Variants in TMEM117 observed in about 807,000 individuals in gnomAD.
The protein encoded by TMEM117 is transmembrane protein 117.
In TMEM117, 27 loss-of-function variants were observed where a neutral mutation model predicts 52.4. The ratio of observed to expected loss-of-function variants is 0.51; its 90% CI spans 0.38 to 0.71. The LOEUF (loss-of-function observed/expected upper bound fraction) is 0.71, where lower values mean the gene tolerates loss of function less well. Ranked by LOEUF, TMEM117 falls within the 30% of genes least tolerant of loss-of-function variation. The pLI is 0.00. For missense variants in TMEM117, 556 were observed against 630.5 expected (o/e 0.88, Z 1.26); for synonymous variants, 215 against 206.3 (o/e 1.04, Z -0.36).
At chr12:44,007,927 T>C (rs916929194) in intron 3 of TMEM117, among the ~76,000 whole-genome samples, 1 of 152,038 alleles carries the variant, frequency 6.6e-6, no homozygotes, top group Non-Finnish European at 1.5e-5. Flanking sequence ...AAACCCTTTT[T>C]CCCATATAAA....
In TMEM117 at chr12:44,124,789, C is replaced by A. The variant is rs542344228; in HGVS notation, c.411-18736C>A. ...TGGTGGATAAGTTTTTTATGTGCTGCTAGATTCGGTTTGTCAATATTTTGT... is the reference window on the plus strand; with the variant it reads ...TGGTGGATAAGTTTTTTATGTGCTGATAGATTCGGTTTGTCAATATTTTGT... On this transcript the variant is annotated intron_variant, in intron 3 of 7. Transcript: ENST00000266534. Among the ~76,000 whole-genome samples, 9 of 152,250 alleles carry A rather than the reference C, an allele frequency of 5.9e-5. No individual in the cohort carries two copies. The South Asian group carries it at 1.7e-3, about 28-fold the overall frequency.
At chr12:43,948,907 A>C (rs761761627) in intron 3 of TMEM117, among the ~76,000 whole-genome samples, 3 of 152,192 alleles carry the variant, frequency 2.0e-5, no homozygotes, top group Non-Finnish European at 4.4e-5. Flanking sequence ...ATTGATACTG[A>C]GATGCTCAGT....
chr12:43,834,624 G>T (rs150318229), upstream of TMEM117, among the ~76,000 whole-genome samples: 1 of 152,304 alleles, frequency 6.6e-6, no homozygotes, highest in East Asian at 1.9e-4. Context: ...ATATCCAGTG[G>T]TGTGGGGATG....
intron 6 of TMEM117, among the ~76,000 whole-genome samples, chr12:44,354,560 A>C (rs1309382122): frequency 6.6e-6 from 1 of 152,086 alleles, no homozygotes; most frequent in Non-Finnish European, 1.5e-5. Context: ...AGAACCAAAG[A>C]CAAAAACCAC....
intron 5 of TMEM117, among the ~76,000 whole-genome samples, chr12:44,283,086 G>A (rs926662501): frequency 4.6e-5 from 7 of 152,242 alleles, no homozygotes; most frequent in Admixed American, 2.6e-4. Context: ...GGGAAACTCC[G>A]CCTAGATTTC....
intron 3 of TMEM117, among the ~76,000 whole-genome samples, chr12:43,978,664 C>G (rs1339796238): frequency 2.0e-5 from 3 of 152,108 alleles, no homozygotes; most frequent in African/African-American, 7.2e-5. Flanking sequence ...CCTGTATAAT[C>G]AGAGAGTGTT....
chr12:43,959,008 C>T (rs961832883), intron 3 of TMEM117, among the ~76,000 whole-genome samples: 21 of 152,214 alleles, frequency 1.4e-4, no homozygotes, highest in East Asian at 9.7e-4. Context: ...GGGGTTTCAC[C>T]ATGTTCGCCA....
Position 44,115,425 on chromosome 12 carries a change from T to C in TMEM117, c.411-28100T>C, listed in dbSNP as rs572147795. ...ATACATATGTACCAAACCTGCACGT[T>C]ATACACATGTACCCTAGAACTTAAA... On this transcript the variant is annotated intron_variant, in intron 3 of 7. Coordinates refer to ENST00000266534, the MANE Select transcript of TMEM117 (RefSeq NM_032256.3). Among the ~76,000 whole-genome samples, 138 of 152,306 alleles carry C rather than the reference T, an allele frequency of 9.1e-4. 1 individual carries two copies. The highest frequency in any genetic ancestry group is 2.9e-3 in the African/African-American group (120 of 41,568).
chr12:44,300,153 G>A (rs1950821557), intron 6 of TMEM117, among the ~76,000 whole-genome samples: 1 of 152,186 alleles, frequency 6.6e-6, no homozygotes, highest in Admixed American at 6.5e-5. Flanking sequence ...TTTTATAGCA[G>A]TTGAAATGAA....
intron 5 of TMEM117, among the ~76,000 whole-genome samples, chr12:44,289,430 A>G (rs1023534342): frequency 3.9e-5 from 6 of 151,966 alleles, no homozygotes; most frequent in Non-Finnish European, 7.4e-5. Context: ...GCTGGATTGT[A>G]TAGTAGTTTT....
intron 6 of TMEM117, among the ~76,000 whole-genome samples, chr12:44,314,979 G>C (rs947234299): frequency 2.6e-5 from 4 of 152,122 alleles, no homozygotes; most frequent in South Asian, 2.1e-4. Context: ...CTGATTCACT[G>C]TTGGGGCTTG....
chr12:44,014,165 G>A (rs552555222), intron 3 of TMEM117, among the ~76,000 whole-genome samples: 1 of 152,250 alleles, frequency 6.6e-6, no homozygotes, highest in African/African-American at 2.4e-5. Context: ...AGCTGAACTG[G>A]CTCTAGGTAG....
At chr12:44,064,282 C>T (rs552752612) in intron 3 of TMEM117, among the ~76,000 whole-genome samples, 3 of 152,228 alleles carry the variant, frequency 2.0e-5, no homozygotes, top group Admixed American at 6.5e-5. Context: ...TAAAAGTTTC[C>T]GCTTAAATAT....
At chr12:44,147,864 G>A (rs779195434) in intron 4 of TMEM117, among the ~76,000 whole-genome samples, 8 of 151,684 alleles carry the variant, frequency 5.3e-5, no homozygotes, top group African/African-American at 1.2e-4. Flanking sequence ...CCTGGGAGGC[G>A]GAGGTTGCAG....
At chr12:44,210,364 A>G (rs7977539) in intron 4 of TMEM117, among the ~76,000 whole-genome samples, 17,705 of 152,162 alleles carry the variant, frequency 0.12, 3,055 homozygotes, top group African/African-American at 0.38. Context: ...TTAACTATTT[A>G]TAATACTTTG....
At chr12:43,875,206 A>G (rs1943773213) in intron 2 of TMEM117, among the ~76,000 whole-genome samples, 1 of 142,150 alleles carries the variant, frequency 7.0e-6, no homozygotes, top group African/African-American at 2.5e-5. Flanking sequence ...GGGGGTTGAA[A>G]AGAATGGTGG....
At chr12:43,797,887 A>G in the TMEM117 span, 1 of 1,555,514 alleles carries the variant, frequency 6.4e-7, no homozygotes. Context: ...ATCCTATGGC[A>G]AACATAAGAA....
At chr12:44,182,387 C>T (rs1039363759) in intron 4 of TMEM117, among the ~76,000 whole-genome samples, 4 of 152,124 alleles carry the variant, frequency 2.6e-5, no homozygotes, top group African/African-American at 9.7e-5. Context: ...ACTTCCAACA[C>T]TATGTTGAAT....
At chr12:44,168,528 A>G (rs1433978192) in intron 4 of TMEM117, among the ~76,000 whole-genome samples, 1 of 152,144 alleles carries the variant, frequency 6.6e-6, no homozygotes, top group African/African-American at 2.4e-5. Context: ...GTCATAACAT[A>G]CTTTAATTAA....
Sources: gnomAD v4.1 joint callset for allele counts (sites outside exome capture counted in the v4.1 genomes callset) on GRCh38, gnomAD v4.1.1 for gene constraint, MANE v1.5 for transcripts, NCBI Gene and HGNC (gene_info 2026-07-23, HGNC 2026-07-21) for gene names.